HRH1: variants seen among roughly 807,000 people sequenced by gnomAD.
HRH1 encodes the protein histamine receptor H1.
Under a neutral mutation model 10.3 loss-of-function variants are expected in HRH1, and 6 were observed. That is an observed-to-expected ratio of 0.58 (90% CI 0.32 to 1.15). HRH1 has a LOEUF of 1.15. Ranked by LOEUF, HRH1 falls within the 50% of genes most tolerant of loss-of-function variation. The probability of loss-of-function intolerance (pLI) is 0.05; values close to 1 mark genes in which losing one functional copy is unlikely to be tolerated. For missense variants in HRH1, 514 were observed against 615.3 expected (o/e 0.84, Z 1.74); for synonymous variants, 242 against 236.7 (o/e 1.02, Z -0.21).
intron 1 of HRH1, among the ~76,000 whole-genome samples, chr3:11,210,450 G>C (rs1382614502): frequency 6.6e-6 from 1 of 152,072 alleles, no homozygotes; most frequent in African/African-American, 2.4e-5. Context: ...ACTACTCTGA[G>C]GATAAAATGA....
chr3:11,173,643 T>C (rs886396311), intron 1 of HRH1, among the ~76,000 whole-genome samples: 1 of 152,192 alleles, frequency 6.6e-6, no homozygotes, highest in South Asian at 2.1e-4. Flanking sequence ...AATTAGTTTT[T>C]GTTTTACTCT....
At chr3:11,165,419 C>A (rs760277229) in intron 1 of HRH1, among the ~76,000 whole-genome samples, 6 of 152,122 alleles carry the variant, frequency 3.9e-5, no homozygotes, top group Admixed American at 2.0e-4. Context: ...AAAACTAATC[C>A]TTGAGTTTCT....
At chr3:11,236,815 T>G (rs1360712700) in intron 1 of HRH1, among the ~76,000 whole-genome samples, 4 of 152,152 alleles carry the variant, frequency 2.6e-5, no homozygotes, top group African/African-American at 9.7e-5. Context: ...GCCCCAGGTG[T>G]GGGATGAGGT....
chr3:11,214,285 CAG>C (rs1225878392), intron 1 of HRH1, among the ~76,000 whole-genome samples: 6 of 152,174 alleles, frequency 3.9e-5, no homozygotes, highest in African/African-American at 1.4e-4. Flanking sequence ...CTTCCTGGGG[CAG>C]AGTGCTTCAC....
chr3:11,233,590 G>C (rs1939099145), intron 1 of HRH1, among the ~76,000 whole-genome samples: 2 of 152,128 alleles, frequency 1.3e-5, no homozygotes, highest in African/African-American at 4.8e-5. Flanking sequence ...AGGGCTTTCA[G>C]AATAACAAGG....
chr3:11,198,308 C>T (rs1421740413), intron 1 of HRH1, among the ~76,000 whole-genome samples: 1 of 151,990 alleles, frequency 6.6e-6, no homozygotes, highest in African/African-American at 2.4e-5. Flanking sequence ...TTCCATCCCC[C>T]ATCCCCCCAC....
chr3:11,253,799 T>C (rs759865058), intron 1 of HRH1, among the ~76,000 whole-genome samples: 5 of 152,152 alleles, frequency 3.3e-5, no homozygotes, highest in Non-Finnish European at 7.4e-5. Context: ...TCCTTTCTTC[T>C]CCTGAGAATA....
At chr3:11,214,448 G>A (rs911501728) in intron 1 of HRH1, among the ~76,000 whole-genome samples, 2 of 152,174 alleles carry the variant, frequency 1.3e-5, no homozygotes, top group African/African-American at 4.8e-5. Flanking sequence ...GAAACCAGTC[G>A]GTAATGGTGG....
At chr3:11,198,736 GAAA>G (rs59389294) in intron 1 of HRH1, among the ~76,000 whole-genome samples, 3 of 124,738 alleles carry the variant, frequency 2.4e-5, no homozygotes, top group African/African-American at 3.0e-5. Context: ...GACCCTATCT[GAAA>G]AAAAAAAAAA....
chr3:11,256,093 G>C (rs1379574141), intron 1 of HRH1, among the ~76,000 whole-genome samples: 4 of 152,112 alleles, frequency 2.6e-5, no homozygotes, highest in Admixed American at 2.6e-4. Flanking sequence ...ATGGCTGAGG[G>C]GTAGGTAAGT....
intron 1 of HRH1, among the ~76,000 whole-genome samples, chr3:11,189,586 C>T (rs1400133363): frequency 2.0e-5 from 3 of 152,046 alleles, no homozygotes; most frequent in Non-Finnish European, 4.4e-5. Context: ...TAACTGCTCT[C>T]ATGGAATGAT....
intron 1 of HRH1, among the ~76,000 whole-genome samples, chr3:11,167,196 G>A (rs1937061012): frequency 6.9e-6 from 1 of 144,532 alleles, no homozygotes; most frequent in African/African-American, 2.6e-5. Flanking sequence ...CCAGGCCCGT[G>A]ACATCTGCTG....
At chr3:11,255,484 G>A (rs1939760142) in intron 1 of HRH1, among the ~76,000 whole-genome samples, 1 of 152,160 alleles carries the variant, frequency 6.6e-6, no homozygotes, top group Admixed American at 6.5e-5. Flanking sequence ...TTAGCCTTAT[G>A]AACCCCGAAA....
intron 1 of HRH1, among the ~76,000 whole-genome samples, chr3:11,238,023 C>T (rs1011232679): frequency 6.8e-6 from 1 of 146,774 alleles, no homozygotes; most frequent in African/African-American, 2.6e-5. Context: ...CTGAGCTGGG[C>T]TTTTAATGCT....
intron 1 of HRH1, among the ~76,000 whole-genome samples, chr3:11,197,880 T>C (rs1051120052): frequency 3.9e-5 from 6 of 152,192 alleles, no homozygotes; most frequent in Non-Finnish European, 7.3e-5. Context: ...AGGTCTGTGA[T>C]TGGGAATTCC....
intron 1 of HRH1, among the ~76,000 whole-genome samples, chr3:11,220,227 A>T (rs954401850): frequency 6.6e-6 from 1 of 152,112 alleles, no homozygotes; most frequent in Non-Finnish European, 1.5e-5. Flanking sequence ...ACTGCTATAT[A>T]TGTTAGTTGT....
At chr3:11,186,879 C>T (rs1937459696) in intron 1 of HRH1, among the ~76,000 whole-genome samples, 1 of 152,142 alleles carries the variant, frequency 6.6e-6, no homozygotes, top group Non-Finnish European at 1.5e-5. Context: ...CATTACAAAT[C>T]ACTGGAGAAA....
intron 1 of HRH1, among the ~76,000 whole-genome samples, chr3:11,172,687 T>C (rs1017371879): frequency 5.3e-5 from 8 of 150,768 alleles, no homozygotes; most frequent in Non-Finnish European, 1.2e-4. Flanking sequence ...AAAATACTTT[T>C]GTGGCTTTTG....
chr3:11,249,499 A>C (rs1020377592), intron 1 of HRH1, among the ~76,000 whole-genome samples: 2 of 151,728 alleles, frequency 1.3e-5, no homozygotes, highest in Admixed American at 1.3e-4. Flanking sequence ...AATATCCTAT[A>C]GGGTCTGTCC....
Sources: gnomAD v4.1 joint callset for allele counts (sites outside exome capture counted in the v4.1 genomes callset) on GRCh38, gnomAD v4.1.1 for gene constraint, MANE v1.5 for transcripts, NCBI Gene and HGNC (gene_info 2026-07-23, HGNC 2026-07-21) for gene names.